Variants in PLPP4 observed in about 807,000 individuals in gnomAD.
PLPP4 encodes the protein diacylglycerol pyrophosphate like 2.
In PLPP4, 20 loss-of-function variants were observed where a neutral mutation model predicts 32.2. That is an observed-to-expected ratio of 0.62 (90% CI 0.44 to 0.90). PLPP4 has a LOEUF of 0.90. PLPP4 is among the 40% of genes least tolerant of loss of function. The probability of loss-of-function intolerance (pLI) is 0.00; values close to 1 mark genes in which losing one functional copy is unlikely to be tolerated. For synonymous variants in PLPP4, 127 were observed against 133.0 expected (o/e 0.95, Z 0.31); for missense variants, 257 against 353.1 (o/e 0.73, Z 2.18).
intron 1 of PLPP4, among the ~76,000 whole-genome samples, chr10:120,460,680 C>T (rs546306818): frequency 1.1e-4 from 17 of 152,324 alleles, no homozygotes; most frequent in African/African-American, 3.1e-4. Context: ...AGATCTAAAT[C>T]TAGATGCTCC....
chr10:120,518,811 G>A (rs369843592), intron 3 of PLPP4, 22 bp from the exon 4 acceptor site: 56 of 1,606,198 alleles, frequency 3.5e-5, no homozygotes, highest in Non-Finnish European at 4.4e-5. Flanking sequence ...CTATTTTTCT[G>A]TCTGTTGGTT....
intron 1 of PLPP4, among the ~76,000 whole-genome samples, chr10:120,470,079 A>C (rs1848451423): frequency 6.6e-6 from 1 of 152,184 alleles, no homozygotes; most frequent in South Asian, 2.1e-4. Context: ...ACATATTTAC[A>C]TTTCACCACA....
chr10:120,508,853 G>A (rs1026724921), intron 2 of PLPP4, among the ~76,000 whole-genome samples: 12 of 152,210 alleles, frequency 7.9e-5, no homozygotes, highest in African/African-American at 2.2e-4. Flanking sequence ...AATCCTATGT[G>A]TCTGGTGACA....
chr10:120,561,740 A>G (rs1220695319), intron 5 of PLPP4, among the ~76,000 whole-genome samples: 5 of 152,224 alleles, frequency 3.3e-5, no homozygotes, highest in African/African-American at 1.2e-4. Flanking sequence ...ATGTTCTTCC[A>G]CATGAGAGAA....
chr10:120,484,575 A>G (rs918533072), intron 1 of PLPP4, among the ~76,000 whole-genome samples: 11 of 152,238 alleles, frequency 7.2e-5, no homozygotes, highest in African/African-American at 2.7e-4. Context: ...TCAACGGGGC[A>G]AAGCCCTTAT....
rs532214151 is a variant in PLPP4 at position 120,531,186 on chromosome 10, A to G, written c.445+10091A>G. Among the ~76,000 whole-genome samples the G allele has an allele frequency of 3.1e-4, 47 of 149,494 alleles. No individual in the cohort carries two copies. In the East Asian group the frequency reaches 8.9e-3, roughly 28 times the overall value. ...TCGCTGCAACCTCTGGCTCACTACA[A>G]TCTCCACCTCCTGGGTTCAAGTGAT... On this transcript the variant is annotated intron_variant, in intron 5 of 6. Coordinates refer to ENST00000398250, the MANE Select transcript of PLPP4 (RefSeq NM_001030059.3).
At chr10:120,509,155 A>C (rs1452687501) in intron 2 of PLPP4, among the ~76,000 whole-genome samples, 1 of 152,264 alleles carries the variant, frequency 6.6e-6, no homozygotes, top group Non-Finnish European at 1.5e-5. Context: ...GACCTTTGGC[A>C]CTTCACTTAG....
intron 5 of PLPP4, among the ~76,000 whole-genome samples, chr10:120,561,393 C>T (rs915868025): frequency 3.3e-5 from 5 of 152,064 alleles, no homozygotes; most frequent in Non-Finnish European, 5.9e-5. Flanking sequence ...CACTGACCTA[C>T]AACATATCAT....
At chr10:120,480,579 G>A (rs1222170575) in intron 1 of PLPP4, among the ~76,000 whole-genome samples, 1 of 152,160 alleles carries the variant, frequency 6.6e-6, no homozygotes, top group East Asian at 1.9e-4. Context: ...ACATGCAGTC[G>A]GCAGCTCACT....
chr10:120,512,195 C>T (rs1845758315), intron 2 of PLPP4, among the ~76,000 whole-genome samples: 1 of 152,100 alleles, frequency 6.6e-6, no homozygotes, highest in African/African-American at 2.4e-5. Flanking sequence ...TGAGAGCTGC[C>T]CAATAATTTA....
intron 5 of PLPP4, among the ~76,000 whole-genome samples, chr10:120,538,156 A>G (rs1001277837): frequency 7.5e-5 from 11 of 146,184 alleles, no homozygotes; most frequent in Non-Finnish European, 1.2e-4. Flanking sequence ...GATAGAACTC[A>G]TAAGTCTGGA....
rs71819744 is a variant in PLPP4 at position 120,529,185 on chromosome 10, C to CGT, written c.445+8106_445+8107dup. On this transcript the variant is annotated intron_variant, in intron 5 of 6. Coordinates refer to ENST00000398250, the MANE Select transcript of PLPP4 (RefSeq NM_001030059.3). ...GACATTTTTGGTTGTCACAAGTGTG[C>CGT]GTGTGTGTGTGTGTGTGCGTGCATG... is the stretch of plus-strand genomic sequence containing the variant. Among the ~76,000 whole-genome samples, 48 of 150,690 alleles carry CGT rather than the reference C, an allele frequency of 3.2e-4. No homozygotes were observed. The Middle Eastern group carries it at 0.014, about 43-fold the overall frequency.
intron 1 of PLPP4, among the ~76,000 whole-genome samples, chr10:120,467,086 GT>G (rs112181832): frequency 5.4e-5 from 8 of 148,330 alleles, no homozygotes; most frequent in Admixed American, 4.0e-4. Flanking sequence ...GTGTAGGTTT[GT>G]TTTTTTTTTG....
At chr10:120,496,914 T>A (rs752224176) in intron 1 of PLPP4, among the ~76,000 whole-genome samples, 6 of 26,794 alleles carry the variant, frequency 2.2e-4, no homozygotes, top group Non-Finnish European at 4.3e-4. Flanking sequence ...AATGTGTGAG[T>A]GTGTGTGTGT....
intron 1 of PLPP4, among the ~76,000 whole-genome samples, chr10:120,471,972 T>G (rs1848536574): frequency 6.6e-6 from 1 of 152,098 alleles, no homozygotes; most frequent in African/African-American, 2.4e-5. Context: ...TGTCATTTAT[T>G]ATACCATTTC....
intron 5 of PLPP4, 23 bp downstream of exon 5, chr10:120,521,118 C>A: frequency 6.2e-7 from 1 of 1,613,268 alleles, no homozygotes; most frequent in Non-Finnish European, 8.5e-7. Context: ...CTGGGATTCT[C>A]TTAATGCCCC....
At chr10:120,579,639 A>G (rs1329604346) in intron 6 of PLPP4, among the ~76,000 whole-genome samples, 1 of 152,114 alleles carries the variant, frequency 6.6e-6, no homozygotes, top group East Asian at 1.9e-4. Context: ...CCCTTTTTTC[A>G]AAGCCTGATG....
chr10:120,579,706 C>T (rs1849390866), intron 6 of PLPP4, among the ~76,000 whole-genome samples: 1 of 152,036 alleles, frequency 6.6e-6, no homozygotes, highest in South Asian at 2.1e-4. Flanking sequence ...TACTGATAAA[C>T]CCAGTAGTCC....
chr10:120,515,425 AT>A, intron 3 of PLPP4, among the ~76,000 whole-genome samples: 1 of 152,122 alleles, frequency 6.6e-6, no homozygotes, highest in Admixed American at 6.5e-5. Flanking sequence ...TCTGCCACAA[AT>A]CTGTCTGCCT....
Sources: allele counts gnomAD v4.1 joint callset (sites outside exome capture counted in the v4.1 genomes callset), GRCh38; gene constraint gnomAD v4.1.1; transcripts MANE v1.5; gene names NCBI Gene and HGNC (gene_info 2026-07-23, HGNC 2026-07-21).